Variants in TNRC6A observed in about 807,000 individuals in gnomAD.
TNRC6A encodes trinucleotide repeat-containing gene 6A protein.
In TNRC6A, 44 loss-of-function variants were observed where a neutral mutation model predicts 221.2. The ratio of observed to expected loss-of-function variants is 0.20; its 90% CI spans 0.16 to 0.26. TNRC6A has a LOEUF of 0.26. Ranked by LOEUF, TNRC6A falls within the 10% of genes least tolerant of loss-of-function variation. The pLI is 1.00. For missense variants in TNRC6A, 2,199 were observed against 2,404.4 expected, an observed-to-expected ratio of 0.91 and a Z score of 1.79; for synonymous variants, 847 against 838.5, an observed-to-expected ratio of 1.01 and a Z score of -0.18.
chr16:24,786,605 C>T (rs2057975166), intron 5 of TNRC6A, among the ~76,000 whole-genome samples: 1 of 152,136 alleles, frequency 6.6e-6, no homozygotes, highest in Non-Finnish European at 1.5e-5. Context: ...TGAACCATCA[C>T]GCCTGGCCAG....
intron 1 of TNRC6A, among the ~76,000 whole-genome samples, 183 bp downstream of exon 1, chr16:24,730,029 T>TGCGCC (rs891133787): frequency 8.1e-5 from 12 of 147,478 alleles, no homozygotes; most frequent in African/African-American, 2.2e-4. Flanking sequence ...GGAGCCTCGC[T>TGCGCC]GCGCCGCGCC....
chr16:24,808,845 C>T (rs1414516625), intron 17 of TNRC6A, among the ~76,000 whole-genome samples: 1 of 152,102 alleles, frequency 6.6e-6, no homozygotes, highest in African/African-American at 2.4e-5. Flanking sequence ...TTAAGAAAAA[C>T]TAGCTTAATA....
intron 2 of TNRC6A, among the ~76,000 whole-genome samples, chr16:24,653,663 C>T (rs1027562310): frequency 1.3e-5 from 2 of 151,836 alleles, no homozygotes. Context: ...ACCTGTAATC[C>T]CAGCTACTTG....
chr16:24,791,183 A>G lies in TNRC6A; in HGVS notation c.2541A>G (p.Gln847=). 1 of 1,614,160 alleles carries G rather than the reference A, an allele frequency of 6.2e-7. No homozygotes were observed. The highest frequency in any genetic ancestry group is 1.6e-4 in the Middle Eastern group (1 of 6,062). The stretch of plus-strand genomic sequence containing the variant: ...GGGGTGATGGACAAAAATCAAGCCA[A>G]GGGTGGTCTGTTTCTGCCAGTGATA... ...QGWGDGQKSS[Q]GWSVSASDNW... is the part of the protein sequence containing the mutation. The change falls in exon 6 of 25, where the codon CAA becomes CAG. Residue 847 remains glutamine (Q), a synonymous_variant. Coordinates refer to ENST00000395799, the MANE Select transcript of TNRC6A (RefSeq NM_014494.4).
chr16:24,764,241 T>C (rs1397536863), intron 4 of TNRC6A, among the ~76,000 whole-genome samples: 1 of 152,068 alleles, frequency 6.6e-6, no homozygotes, highest in African/African-American at 2.4e-5. Flanking sequence ...TCCAGGTTCA[T>C]CCATGTTGTG....
chr16:24,680,256 T>C (rs965227484), intron 2 of TNRC6A, among the ~76,000 whole-genome samples: 1 of 149,628 alleles, frequency 6.7e-6, no homozygotes, highest in Non-Finnish European at 1.5e-5. Context: ...CCTGTCTTTA[T>C]GCAGAAAAAA....
rs554714338 is a variant in TNRC6A at position 24,622,569 on chromosome 16, G to T, written n.276+12085G>T. Among the ~76,000 whole-genome samples, 246 of 152,306 alleles carry T rather than the reference G, an allele frequency of 1.6e-3. 1 individual carries two copies. Among genetic ancestry groups the T allele is most frequent in the South Asian group, 5.4e-3 (26 of 4,826 alleles). Reference sequence around the variant, plus strand: ...AGATCGCACTACTGCACTCCAGCCTGGGTGACAGAGAGAGACTGCATCTCA... The same window carrying T: ...AGATCGCACTACTGCACTCCAGCCTTGGTGACAGAGAGAGACTGCATCTCA... On this transcript the variant is annotated intron_variant and non_coding_transcript_variant, in intron 1 of 2. Transcript: ENST00000566108.
rs541185384 is a variant in TNRC6A, at chr16:24,629,077, G to A, written n.277-11807G>A. Among the ~76,000 whole-genome samples the A allele has an allele frequency of 1.4e-4, 21 of 152,028 alleles. 1 individual carries two copies. Among genetic ancestry groups the A allele is most frequent in the Admixed American group, 7.2e-4 (11 of 15,252 alleles). On this transcript the variant is annotated intron_variant and non_coding_transcript_variant, in intron 1 of 2. Coordinates refer to the TNRC6A transcript ENST00000566108. Reference sequence around the variant, plus strand: ...ACCTAGTTTTCCCGAGGCCTTTAACGTAACTCATGAATCATATTATTATAC... The same window carrying A: ...ACCTAGTTTTCCCGAGGCCTTTAACATAACTCATGAATCATATTATTATAC...
chr16:24,732,544 G>C (rs1456465552), intron 2 of TNRC6A, among the ~76,000 whole-genome samples: 3 of 152,174 alleles, frequency 2.0e-5, no homozygotes, highest in Admixed American at 6.5e-5. Flanking sequence ...TGTATAAAGA[G>C]GTTAAGTAAC....
At chr16:24,688,657 C>G (rs1187911870) in intron 2 of TNRC6A, among the ~76,000 whole-genome samples, 1 of 150,954 alleles carries the variant, frequency 6.6e-6, no homozygotes, top group Non-Finnish European at 1.5e-5. Flanking sequence ...GCTCATGATC[C>G]TTAAGAGCGA....
Position 24,815,322 on chromosome 16 carries a change from C to G in TNRC6A, c.4831+17C>G, listed in dbSNP as rs1261246080. 1.2e-6 allele frequency: 2 copies of G among 1,613,178 alleles called. No homozygotes were observed. On this transcript the variant is annotated intron_variant, in intron 19 of 24. Coordinates refer to ENST00000395799, the MANE Select transcript of TNRC6A (RefSeq NM_014494.4). ...GGCCACCAGGTAAAATTTTTTCTAA[C>G]ACTTTCTTTCATGAGACTGTGTTTC...
upstream of TNRC6A, among the ~76,000 whole-genome samples, chr16:24,728,819 C>T (rs1031013643): frequency 1.3e-5 from 2 of 152,152 alleles, no homozygotes; most frequent in African/African-American, 4.8e-5. Context: ...CTTACTGTGT[C>T]TACACTAAGA....
chr16:24,794,995 A>G (rs1156731869), intron 8 of TNRC6A, among the ~76,000 whole-genome samples: 1 of 152,116 alleles, frequency 6.6e-6, no homozygotes, highest in Non-Finnish European at 1.5e-5. Flanking sequence ...TGGTGCCTGC[A>G]GTGGTGAGGA....
chr16:24,616,458 T>C (rs1446410956), intron 1 of TNRC6A, among the ~76,000 whole-genome samples: 2 of 152,082 alleles, frequency 1.3e-5, no homozygotes, highest in African/African-American at 4.8e-5. Flanking sequence ...GAAAAAGGCA[T>C]ACAAATTTAT....
chr16:24,624,156 C>G (rs1026561903), intron 1 of TNRC6A, among the ~76,000 whole-genome samples: 1 of 152,096 alleles, frequency 6.6e-6, no homozygotes, highest in African/African-American at 2.4e-5. Context: ...TTCCATGGGT[C>G]ACATCCGTCA....
intron 2 of TNRC6A, among the ~76,000 whole-genome samples, chr16:24,700,700 G>C (rs533932039): frequency 6.8e-4 from 104 of 152,228 alleles, no homozygotes; most frequent in African/African-American, 2.4e-3. Context: ...GCTGACCGCT[G>C]TGCCTGTCTG....
intron 18 of TNRC6A, among the ~76,000 whole-genome samples, chr16:24,814,531 C>G (rs2058617049): frequency 6.6e-6 from 1 of 150,562 alleles, no homozygotes; most frequent in Admixed American, 6.6e-5. Flanking sequence ...GCTTCAGCCT[C>G]CCAAGTAGCT....
At chr16:24,808,441 G>C (rs973125638) in intron 17 of TNRC6A, among the ~76,000 whole-genome samples, 4 of 152,138 alleles carry the variant, frequency 2.6e-5, no homozygotes, top group Non-Finnish European at 5.9e-5. Flanking sequence ...TCTAACCTGG[G>C]GTCTGTGGCT....
chr16:24,816,999 C>T (rs754501614), intron 20 of TNRC6A, 43 bp downstream of exon 20: 4 of 1,590,502 alleles, frequency 2.5e-6, no homozygotes, highest in Non-Finnish European at 2.6e-6. Flanking sequence ...ACACTTAACA[C>T]AGTTTAAGAA....
Sources: allele counts gnomAD v4.1 joint callset (sites outside exome capture counted in the v4.1 genomes callset), GRCh38; gene constraint gnomAD v4.1.1; transcripts MANE v1.5; gene names NCBI Gene and HGNC (gene_info 2026-07-23, HGNC 2026-07-21).